The following OSGEP variants were observed in gnomAD, a reference collection of about 807,000 sequenced individuals.
The protein encoded by OSGEP is O-sialoglycoprotein endopeptidase.
OSGEP carries 39 observed loss-of-function variants against 44.1 expected under a neutral mutation model. That is an observed-to-expected ratio of 0.88 (90% CI 0.69 to 1.16). The LOEUF is 1.16. Among genes scored for constraint, OSGEP ranks in the 50% most tolerant of loss-of-function variants. The pLI, the probability that OSGEP is intolerant of heterozygous loss-of-function variation, is 0.00. For synonymous variants in OSGEP, 139 were observed against 161.9 expected (o/e 0.86, Z 1.07); for missense variants, 403 against 443.1 (o/e 0.91, Z 0.81).
intron 6 of OSGEP, 126 bp from the exon 7 acceptor site, chr14:20,448,297 A>T: frequency 2.5e-6 from 2 of 786,698 alleles, no homozygotes; most frequent in Non-Finnish European, 4.6e-6. Flanking sequence ...CACATCCTGT[A>T]CCACATTCCC....
At chr14:20,448,291 T>A (rs1881012505) in intron 6 of OSGEP, 120 bp from the exon 7 acceptor site, 1 of 806,106 alleles carries the variant, frequency 1.2e-6, no homozygotes, top group African/African-American at 1.7e-5. Flanking sequence ...TACCAGCACA[T>A]CCTGTACCAC....
chr14:20,447,777 CA>C, intron 8 of OSGEP, 87 bp from the exon 9 acceptor site: 2 of 1,266,872 alleles, frequency 1.6e-6, no homozygotes, highest in Non-Finnish European at 2.3e-6. Flanking sequence ...TCACTTAGAA[CA>C]ATGACATAGG....
intron 3 of OSGEP, chr14:20,451,007 G>A (rs954654500): frequency 3.3e-5 from 5 of 152,448 alleles, no homozygotes; most frequent in East Asian, 1.9e-4. Context: ...CCAGCTACTC[G>A]GGAGTAGAGA....
chr14:20,454,508 T>C (rs772905413), intron 1 of OSGEP, 61 bp downstream of exon 1: 10 of 1,128,290 alleles, frequency 8.9e-6, no homozygotes, highest in South Asian at 6.1e-5. Context: ...TTTAGGAAGA[T>C]GGAAGGCTGA....
At chr14:20,453,856 T>G (rs1395625852) in intron 1 of OSGEP, among the ~76,000 whole-genome samples, 4 of 151,944 alleles carry the variant, frequency 2.6e-5, no homozygotes, top group Non-Finnish European at 5.9e-5. Context: ...CCGACTCTAC[T>G]AAAAATACAA....
rs896456902 is a variant in OSGEP at position 20,447,186 on chromosome 14, G to T, written c.*54C>A. 8 of 1,480,654 alleles carry T rather than the reference G, an allele frequency of 5.4e-6. No homozygotes were observed. Among genetic ancestry groups the T allele is most frequent in the Non-Finnish European group, 7.6e-6 (8 of 1,058,484 alleles). 91.7% of individuals were successfully genotyped at this position (1,480,654 alleles called of 1,614,324 possible). On this transcript the variant is annotated 3_prime_UTR_variant, in exon 11 of 11. Transcript: ENST00000206542. Reference sequence around the variant, plus strand: ...GACATCAGGATAGAGATTGAGGCACGGGGTCCTTTGGGTTCCGATTAAGGA... The same window carrying T: ...GACATCAGGATAGAGATTGAGGCACTGGGTCCTTTGGGTTCCGATTAAGGA...
At chr14:20,447,794 A>C in intron 8 of OSGEP, 104 bp from the exon 9 acceptor site, 1 of 1,221,420 alleles carries the variant, frequency 8.2e-7, no homozygotes, top group Non-Finnish European at 1.2e-6. Flanking sequence ...ATAGGGGATT[A>C]GGGGCAAGGA....
chr14:20,450,071 T>C (rs1881056732), intron 3 of OSGEP: 1 of 150,014 alleles, frequency 6.7e-6, no homozygotes, highest in South Asian at 2.1e-4. Context: ...TGAGACAGAG[T>C]CTTGTTCTGT....
chr14:20,454,734 T>C lies in OSGEP; in HGVS notation c.-51A>G, dbSNP rs767758394. ...CAGGACTCCTGGCAATGTCAGGAGCTGTGGAGGTCCTCACTAGTCCGCGCT... is the reference window on the plus strand; with the variant it reads ...CAGGACTCCTGGCAATGTCAGGAGCCGTGGAGGTCCTCACTAGTCCGCGCT... On this transcript the variant is annotated 5_prime_UTR_variant, in exon 1 of 11. Transcript: ENST00000206542. 7.3e-5 allele frequency: 100 copies of C among 1,379,178 alleles called. No homozygotes were observed. The highest frequency in any genetic ancestry group is 8.6e-5 in the Non-Finnish European group (84 of 971,288). 85.4% of individuals were successfully genotyped at this position (1,379,178 alleles called of 1,614,324 possible). A position where few individuals can be genotyped will look rare whatever the true frequency, so the allele number is the denominator to read the frequency against.
intron 1 of OSGEP, among the ~76,000 whole-genome samples, chr14:20,452,780 G>A (rs999412717): frequency 2.7e-5 from 4 of 150,466 alleles, no homozygotes; most frequent in South Asian, 2.1e-4. Flanking sequence ...GCACGATCTC[G>A]GCTCACTGCA....
chr14:20,453,543 T>C (rs1881164859), intron 1 of OSGEP, among the ~76,000 whole-genome samples: 1 of 152,092 alleles, frequency 6.6e-6, no homozygotes, highest in Admixed American at 6.5e-5. Context: ...ATTTTTTGTA[T>C]TTTTTAGTGG....
intron 4 of OSGEP, 73 bp downstream of exon 4, chr14:20,449,098 T>C: frequency 6.7e-7 from 1 of 1,488,994 alleles, no homozygotes; most frequent in Non-Finnish European, 9.4e-7. Context: ...CATTTACTAT[T>C]TCCTCCCTCC....
intron 9 of OSGEP, 24 bp from the exon 10 acceptor site, chr14:20,447,544 T>C (rs753874125): frequency 1.2e-6 from 2 of 1,611,302 alleles, no homozygotes; most frequent in South Asian, 1.1e-5. Context: ...GAGATGAAAA[T>C]TGGGATCTAA....
chr14:20,447,111 A>G lies in OSGEP; in HGVS notation c.*129T>C. 2 of 781,116 alleles carry G rather than the reference A, an allele frequency of 2.6e-6. No homozygotes were observed. Among genetic ancestry groups the G allele is most frequent in the Non-Finnish European group, 4.4e-6 (2 of 457,110 alleles). 48.4% of individuals were successfully genotyped at this position (781,116 alleles called of 1,614,324 possible). ...TTGCTGAGTCATCCTGGGGTTCCAT[A>G]AAGGACCCCAAGCCTTGCTTGGAGT... On this transcript the variant is annotated 3_prime_UTR_variant, in exon 11 of 11. Transcript: ENST00000206542.
chr14:20,447,347 A>G, intron 10 of OSGEP, 68 bp from the exon 11 acceptor site: 2 of 1,603,862 alleles, frequency 1.2e-6, no homozygotes, highest in South Asian at 2.2e-5. Flanking sequence ...CTCTGCCCTC[A>G]TGTTCCTGGA....
chr14:20,452,308 T>C, intron 2 of OSGEP, 21 bp downstream of exon 2: 1 of 1,612,854 alleles, frequency 6.2e-7, no homozygotes, highest in Non-Finnish European at 8.5e-7. Flanking sequence ...CCTCCATCGT[T>C]GACCACTCTC....
chr14:20,450,517 C>T (rs1594408008), intron 3 of OSGEP: 1 of 105,186 alleles, frequency 9.5e-6, no homozygotes, highest in East Asian at 2.4e-4. Flanking sequence ...AAGACAAAAC[C>T]GTCACTGCTC....
chr14:20,453,151 A>G (rs747269716), intron 1 of OSGEP, among the ~76,000 whole-genome samples: 6 of 152,084 alleles, frequency 3.9e-5, no homozygotes, highest in South Asian at 2.1e-4. Context: ...TATTTTATTT[A>G]TCTTTGTATT....
chr14:20,454,732 G>GT lies in OSGEP; in HGVS notation c.-50_-49insA. The GT allele has an allele frequency of 4.3e-6, 6 of 1,388,750 alleles. No homozygotes were observed. The highest frequency in any genetic ancestry group is 1.7e-5 in the Admixed American group (1 of 57,356). The allele number at this position is 1,388,750 out of a possible 1,614,324, so 86.0% of individuals were successfully genotyped here. Reference sequence around the variant, plus strand: ...GACAGGACTCCTGGCAATGTCAGGAGCTGTGGAGGTCCTCACTAGTCCGCG... The same window carrying GT: ...GACAGGACTCCTGGCAATGTCAGGAGTCTGTGGAGGTCCTCACTAGTCCGCG... On this transcript the variant is annotated 5_prime_UTR_variant, in exon 1 of 11. Coordinates refer to ENST00000206542, the MANE Select transcript of OSGEP (RefSeq NM_017807.4).
Sources: gnomAD v4.1 joint callset for allele counts (sites outside exome capture counted in the v4.1 genomes callset) on GRCh38, gnomAD v4.1.1 for gene constraint, MANE v1.5 for transcripts, NCBI Gene and HGNC (gene_info 2026-07-23, HGNC 2026-07-21) for gene names.